PLXDC2: variants seen among roughly 807,000 people sequenced by gnomAD.
PLXDC2 encodes plexin domain-containing protein 2.
In PLXDC2, 40 loss-of-function variants were observed where a neutral mutation model predicts 68.9. The ratio of observed to expected loss-of-function variants is 0.58; its 90% CI spans 0.45 to 0.76. The LOEUF is 0.76. Among genes scored for constraint, PLXDC2 ranks in the 30% least tolerant of loss-of-function variants. The pLI is 0.00. For synonymous variants in PLXDC2, 243 were observed against 234.2 expected (o/e 1.04, Z -0.34); for missense variants, 644 against 661.9 (o/e 0.97, Z 0.30).
chr10:19,946,502 T>G (rs1452326718), intron 1 of PLXDC2, among the ~76,000 whole-genome samples: 1 of 151,570 alleles, frequency 6.6e-6, no homozygotes, highest in Non-Finnish European at 1.5e-5. Context: ...GCAGAAGGAA[T>G]TAAATTTTCT....
chr10:20,237,543 AG>A (rs1193594581), intron 12 of PLXDC2, among the ~76,000 whole-genome samples: 2 of 152,234 alleles, frequency 1.3e-5, no homozygotes, highest in African/African-American at 4.8e-5. Flanking sequence ...AAACTTACAA[AG>A]GGAAGTACAA....
At chr10:20,107,432 A>G (rs1833506821) in intron 4 of PLXDC2, among the ~76,000 whole-genome samples, 1 of 152,196 alleles carries the variant, frequency 6.6e-6, no homozygotes, top group Non-Finnish European at 1.5e-5. Flanking sequence ...ATATGCATTG[A>G]TGGAAAATTG....
intron 4 of PLXDC2, among the ~76,000 whole-genome samples, chr10:20,077,266 G>T (rs936705384): frequency 1.3e-5 from 2 of 152,066 alleles, no homozygotes; most frequent in African/African-American, 4.8e-5. Context: ...GTGACATTTT[G>T]CCTTTGAACT....
At chr10:19,914,403 C>T (rs74122115) in intron 1 of PLXDC2, among the ~76,000 whole-genome samples, 3,540 of 152,156 alleles carry the variant, frequency 0.023, 132 homozygotes, top group African/African-American at 0.081. Context: ...GATTTACTTG[C>T]ATTACAGAGT....
intron 9 of PLXDC2, among the ~76,000 whole-genome samples, chr10:20,201,519 A>G (rs548954269): frequency 1.8e-4 from 27 of 152,084 alleles, no homozygotes; most frequent in Non-Finnish European, 3.5e-4. Flanking sequence ...ACAAAACTAT[A>G]TAACAATATA....
At chr10:20,177,944 T>C (rs2131827105) in intron 9 of PLXDC2, among the ~76,000 whole-genome samples, 1 of 152,260 alleles carries the variant, frequency 6.6e-6, no homozygotes. Flanking sequence ...AGTAAGGCCA[T>C]TATCTGACAT....
In PLXDC2 at chr10:20,280,129, G is replaced by T; in HGVS notation, c.*310G>T. The T allele has an allele frequency of 4.0e-6, 1 of 247,706 alleles. No homozygotes were observed. Among genetic ancestry groups the T allele is most frequent in the Non-Finnish European group, 7.7e-6 (1 of 129,858 alleles). The allele number at this position is 247,706 out of a possible 1,614,324, so 15.3% of individuals were successfully genotyped here. A position where few individuals can be genotyped will look rare whatever the true frequency, so the allele number is the denominator to read the frequency against. On this transcript the variant is annotated 3_prime_UTR_variant, in exon 14 of 14. Transcript: ENST00000377252. ...AGATTATAATGCTTTTGGCTTAGGT[G>T]CAGGGTTGCAAAGGGATCAGAAAAA...
At chr10:20,264,544 A>G (rs1835847313) in intron 13 of PLXDC2, among the ~76,000 whole-genome samples, 1 of 152,190 alleles carries the variant, frequency 6.6e-6, no homozygotes, top group African/African-American at 2.4e-5. Flanking sequence ...AAGTCATTTA[A>G]AAGATGAAAA....
chr10:20,265,210 G>T (rs11011920), intron 13 of PLXDC2, among the ~76,000 whole-genome samples: 34,263 of 152,094 alleles, frequency 0.23, 3,892 homozygotes, highest in East Asian at 0.29. Context: ...CTCTGCCAAT[G>T]TTCTTTCCAT....
chr10:20,091,261 T>C (rs1833272731), intron 4 of PLXDC2, among the ~76,000 whole-genome samples: 2 of 152,120 alleles, frequency 1.3e-5, no homozygotes, highest in Non-Finnish European at 1.5e-5. Flanking sequence ...CCTTTCCCCC[T>C]GTGAACTGTA....
chr10:19,872,249 A>G (rs925719848), intron 1 of PLXDC2, among the ~76,000 whole-genome samples: 9 of 152,354 alleles, frequency 5.9e-5, no homozygotes, highest in African/African-American at 2.2e-4. Flanking sequence ...AAGACAGCCC[A>G]GGCCATTTCA....
At chr10:19,943,740 C>G (rs775915543) in intron 1 of PLXDC2, among the ~76,000 whole-genome samples, 1 of 152,166 alleles carries the variant, frequency 6.6e-6, no homozygotes, top group South Asian at 2.1e-4. Flanking sequence ...TAAAGAAATA[C>G]TTCAAGTAGG....
In PLXDC2 at chr10:20,030,319, T is replaced by C. The variant is rs115432126; in HGVS notation, c.325-16550T>C. On this transcript the variant is annotated intron_variant, in intron 2 of 13. Transcript: ENST00000377252. Reference sequence around the variant, plus strand: ...AGATAGGATCTCTTTTCTCACCTCTTCAACCCAGGCCATGCCTTGTGACTT... The same window carrying C: ...AGATAGGATCTCTTTTCTCACCTCTCCAACCCAGGCCATGCCTTGTGACTT... Among the ~76,000 whole-genome samples the C allele has an allele frequency of 3.4e-3, 519 of 152,294 alleles. 2 individuals are homozygous for C. The highest frequency in any genetic ancestry group is 0.012 in the African/African-American group (493 of 41,568).
rs146820296 is a variant in PLXDC2 at position 20,139,358 on chromosome 10, A to T, written c.542-3937A>T. 3.9e-5 allele frequency among the ~76,000 whole-genome samples: 6 copies of T among 152,362 alleles called. No homozygotes were observed. The East Asian group carries it at 9.6e-4, about 24-fold the overall frequency. On this transcript the variant is annotated intron_variant, in intron 4 of 13. Coordinates refer to ENST00000377252, the MANE Select transcript of PLXDC2 (RefSeq NM_032812.9). Reference sequence around the variant, plus strand: ...AAATGAAGGTGTCTTTCTCAGTCCCAAATTATCTGCATAAATGACCACTTT... The same window carrying T: ...AAATGAAGGTGTCTTTCTCAGTCCCTAATTATCTGCATAAATGACCACTTT...
chr10:20,199,720 A>T (rs1377273949), intron 9 of PLXDC2, among the ~76,000 whole-genome samples: 3 of 151,988 alleles, frequency 2.0e-5, no homozygotes, highest in African/African-American at 7.2e-5. Context: ...ATTCGATCAG[A>T]TTCACAATAG....
intron 1 of PLXDC2, among the ~76,000 whole-genome samples, chr10:19,875,842 C>T (rs1837619899): frequency 6.6e-6 from 1 of 152,158 alleles, no homozygotes; most frequent in African/African-American, 2.4e-5. Context: ...TTTGTCCTCT[C>T]TCTCTAGTTC....
At chr10:19,819,182 G>A (rs1477056353) in intron 1 of PLXDC2, among the ~76,000 whole-genome samples, 1 of 152,044 alleles carries the variant, frequency 6.6e-6, no homozygotes, top group African/African-American at 2.4e-5. Flanking sequence ...TACTTAAAAT[G>A]TTCAACATCA....
Position 19,827,330 on chromosome 10 carries a change from C to G in PLXDC2, c.112+10139C>G, listed in dbSNP as rs552570570. 1.6e-3 allele frequency among the ~76,000 whole-genome samples: 240 copies of G among 152,262 alleles called. 2 individuals are homozygous for G. Among genetic ancestry groups the G allele is most frequent in the African/African-American group, 5.4e-3 (225 of 41,554 alleles). On this transcript the variant is annotated intron_variant, in intron 1 of 13. Transcript: ENST00000377252. ...ACCGGTCCTCCTTGTTCTTGCTCTT[C>G]AGAAGCTGGCTATTTCAGGAGGTTC...
intron 2 of PLXDC2, among the ~76,000 whole-genome samples, chr10:20,012,755 A>C (rs1835141878): frequency 6.6e-6 from 1 of 152,178 alleles, no homozygotes; most frequent in South Asian, 2.1e-4. Flanking sequence ...TCAAATGTTC[A>C]AGAAAAGATG....
Sources: allele counts gnomAD v4.1 joint callset (sites outside exome capture counted in the v4.1 genomes callset), GRCh38; gene constraint gnomAD v4.1.1; transcripts MANE v1.5; gene names NCBI Gene and HGNC (gene_info 2026-07-23, HGNC 2026-07-21).